Variants in PINX1 observed in about 807,000 individuals in gnomAD.
PINX1 encodes the protein PIN2/TERF1-interacting telomerase inhibitor 1.
In PINX1, 34 loss-of-function variants were observed where a neutral mutation model predicts 25.4. The observed-to-expected ratio is 1.34, with a 90% CI of 1.02 to 1.78. The LOEUF (loss-of-function observed/expected upper bound fraction) is 1.78, where lower values mean the gene tolerates loss of function less well. Among genes scored for constraint, PINX1 ranks in the 40% most tolerant of loss-of-function variants. PINX1 has a pLI of 0.00. For missense variants in PINX1, 592 were observed against 404.9 expected (o/e 1.46, Z -3.97); for synonymous variants, 197 against 147.7 (o/e 1.33, Z -2.42).
chr8:10,791,456 G>A (rs373222701), intron 6 of PINX1, among the ~76,000 whole-genome samples: 4 of 152,092 alleles, frequency 2.6e-5, no homozygotes, highest in Non-Finnish European at 5.9e-5. Flanking sequence ...CCAGGCTCCT[G>A]GCCGTGACGA....
chr8:10,803,073 G>C (rs1802320750), intron 6 of PINX1, among the ~76,000 whole-genome samples: 1 of 152,074 alleles, frequency 6.6e-6, no homozygotes, highest in Admixed American at 6.6e-5. Flanking sequence ...CATATTATTA[G>C]TAGATTAAAA....
At chr8:10,813,147 T>C (rs188698229) in intron 6 of PINX1, among the ~76,000 whole-genome samples, 6 of 152,330 alleles carry the variant, frequency 3.9e-5, no homozygotes, top group South Asian at 2.1e-4. Context: ...AGTGTATTAA[T>C]TGGCTTGTTT....
At position 10,799,141 on chromosome 8, in the gene PINX1, A is replaced by ATT. The variant is rs35164722; in HGVS notation, c.471+21050_471+21051dup. 1.7e-3 allele frequency among the ~76,000 whole-genome samples: 261 copies of ATT among 150,864 alleles called. 3 individuals are homozygous for ATT. The highest frequency in any genetic ancestry group is 3.6e-4 in the Non-Finnish European group (24 of 67,594). On this transcript the variant is annotated intron_variant, in intron 6 of 6. Transcript: ENST00000314787. ...TAAAAAAAGGTTTTCTAGTTTGTCA[A>ATT]TTTTTTTTTTCAGTGTATTTGGAAT...
chr8:10,804,587 A>G (rs745565084), intron 6 of PINX1, among the ~76,000 whole-genome samples: 3 of 152,112 alleles, frequency 2.0e-5, no homozygotes, highest in Non-Finnish European at 4.4e-5. Context: ...AACGCTCTGA[A>G]AGGATGCCCT....
chr8:10,769,879 A>G (rs1801171277), intron 6 of PINX1, among the ~76,000 whole-genome samples: 1 of 152,162 alleles, frequency 6.6e-6, no homozygotes, highest in Non-Finnish European at 1.5e-5. Flanking sequence ...CCCCAAAACT[A>G]AAGTATGTAT....
In PINX1 at chr8:10,839,729, G is replaced by A. The variant is rs749939096; in HGVS notation, c.19+9C>T. On this transcript the variant is annotated intron_variant, in intron 1 of 6. Transcript: ENST00000314787. ...GCGCCTGGGTCGGGCCTCCGCTTCC[G>A]ACACTCACGTTCAGCCAGCATAGAC... The A allele has an allele frequency of 5.6e-6, 9 of 1,603,176 alleles. No individual in the cohort carries two copies. In the South Asian group the frequency reaches 6.8e-5, roughly 12 times the overall value.
At chr8:10,812,224 G>C (rs985777057) in intron 6 of PINX1, among the ~76,000 whole-genome samples, 8 of 152,192 alleles carry the variant, frequency 5.3e-5, no homozygotes, top group African/African-American at 9.7e-5. Flanking sequence ...ACTGAATAAA[G>C]CGCATAAGTA....
chr8:10,835,728 T>A (rs1427890941), intron 1 of PINX1, among the ~76,000 whole-genome samples: 1 of 151,414 alleles, frequency 6.6e-6, no homozygotes, highest in Non-Finnish European at 1.5e-5. Context: ...AGGCACTCAA[T>A]AAATATGTGA....
chr8:10,803,443 G>C (rs138113342), intron 6 of PINX1, among the ~76,000 whole-genome samples: 1 of 152,250 alleles, frequency 6.6e-6, no homozygotes, highest in Non-Finnish European at 1.5e-5. Flanking sequence ...CATGATACTT[G>C]TATCTTTTAG....
intron 6 of PINX1, among the ~76,000 whole-genome samples, chr8:10,807,646 G>A (rs781507324): frequency 1.2e-4 from 18 of 152,106 alleles, no homozygotes; most frequent in Non-Finnish European, 2.1e-4. Context: ...AATAAGAACT[G>A]CAACAATGGC....
At chr8:10,792,182 G>A (rs992561797) in intron 6 of PINX1, among the ~76,000 whole-genome samples, 2 of 152,026 alleles carry the variant, frequency 1.3e-5, no homozygotes, top group Non-Finnish European at 2.9e-5. Flanking sequence ...CGCTGGCCTC[G>A]CTCTCCCTGC....
intron 6 of PINX1, among the ~76,000 whole-genome samples, chr8:10,814,891 T>C (rs1053911190): frequency 3.3e-5 from 5 of 152,204 alleles, no homozygotes; most frequent in African/African-American, 7.2e-5. Context: ...AGCCAGTGTA[T>C]GCCACAAATG....
At chr8:10,777,528 C>T (rs1801430747) in intron 6 of PINX1, among the ~76,000 whole-genome samples, 1 of 152,230 alleles carries the variant, frequency 6.6e-6, no homozygotes, top group South Asian at 2.1e-4. Flanking sequence ...TGGCAATGAA[C>T]GAAGCTAGTT....
intron 1 of PINX1, 82 bp downstream of exon 1, chr8:10,839,656 C>G: frequency 6.9e-7 from 1 of 1,444,508 alleles, no homozygotes. Context: ...AACCCGAGCT[C>G]CCAGCCACTC....
intron 6 of PINX1, among the ~76,000 whole-genome samples, chr8:10,795,975 G>T (rs1802072245): frequency 6.6e-6 from 1 of 152,152 alleles, no homozygotes; most frequent in African/African-American, 2.4e-5. Context: ...CCTAAAGGTG[G>T]TTTAAGACAA....
chr8:10,782,755 A>G (rs1801627014), intron 6 of PINX1, among the ~76,000 whole-genome samples: 1 of 150,292 alleles, frequency 6.7e-6, no homozygotes, highest in South Asian at 2.1e-4. Flanking sequence ...AGTACTCAGG[A>G]GCCAGACTCC....
At chr8:10,783,035 G>C (rs1181526932) in intron 6 of PINX1, among the ~76,000 whole-genome samples, 1 of 152,098 alleles carries the variant, frequency 6.6e-6, no homozygotes, top group African/African-American at 2.4e-5. Flanking sequence ...AAGAGGAACA[G>C]AAAGAAATAT....
intron 6 of PINX1, among the ~76,000 whole-genome samples, chr8:10,800,234 C>A (rs2129079516): frequency 6.6e-6 from 1 of 152,330 alleles, no homozygotes; most frequent in East Asian, 1.9e-4. Context: ...CTTAAGGATT[C>A]ATGAACAAGA....
chr8:10,792,252 C>A (rs1157720525), intron 6 of PINX1, among the ~76,000 whole-genome samples: 1 of 152,012 alleles, frequency 6.6e-6, no homozygotes, highest in Admixed American at 6.6e-5. Flanking sequence ...TTCCACTTCA[C>A]GTCCGCACCC....
Sources: allele counts gnomAD v4.1 joint callset (sites outside exome capture counted in the v4.1 genomes callset), GRCh38; gene constraint gnomAD v4.1.1; transcripts MANE v1.5; gene names NCBI Gene and HGNC (gene_info 2026-07-23, HGNC 2026-07-21).